PLCB1: variants seen among roughly 807,000 people sequenced by gnomAD.
PLCB1 encodes the protein 1-phosphatidylinositol 4,5-bisphosphate phosphodiesterase beta-1.
A neutral mutation model predicts 161.8 loss-of-function variants in PLCB1; 46 were observed. The observed-to-expected ratio is 0.28, with a 90% CI of 0.22 to 0.36. PLCB1 has a LOEUF of 0.36. Among genes scored for constraint, PLCB1 ranks in the 10% least tolerant of loss-of-function variants. The pLI is 1.00. For synonymous variants in PLCB1, 517 were observed against 503.7 expected (o/e 1.03, Z -0.35); for missense variants, 1,016 against 1,472.5 (o/e 0.69, Z 5.07).
At chr20:8,450,695 G>T (rs981976170) in intron 3 of PLCB1, among the ~76,000 whole-genome samples, 1 of 152,146 alleles carries the variant, frequency 6.6e-6, no homozygotes, top group Non-Finnish European at 1.5e-5. Context: ...ACTTAGCGAG[G>T]CATCTATCGG....
At chr20:8,149,019 T>C (rs2123030004) in intron 1 of PLCB1, among the ~76,000 whole-genome samples, 1 of 152,308 alleles carries the variant, frequency 6.6e-6, no homozygotes, top group South Asian at 2.1e-4. Flanking sequence ...CACAGCAAGG[T>C]GAATGCATGT....
intron 3 of PLCB1, among the ~76,000 whole-genome samples, chr20:8,554,584 A>G (rs1985886485): frequency 1.3e-5 from 2 of 152,128 alleles, no homozygotes; most frequent in African/African-American, 2.4e-5. Flanking sequence ...AGAAACCAGA[A>G]TAGTAGCTGA....
intron 2 of PLCB1, among the ~76,000 whole-genome samples, chr20:8,300,819 G>A (rs1983875695): frequency 6.6e-6 from 1 of 152,110 alleles, no homozygotes; most frequent in Non-Finnish European, 1.5e-5. Flanking sequence ...AGACAGGAAT[G>A]GATTGGCAGT....
At chr20:8,399,972 A>G (rs1978476657) in intron 3 of PLCB1, among the ~76,000 whole-genome samples, 2 of 152,166 alleles carry the variant, frequency 1.3e-5, no homozygotes, top group Non-Finnish European at 2.9e-5. Context: ...ACTCCTGTGC[A>G]TTATTCATGT....
chr20:8,633,972 T>C (rs1160161939), intron 4 of PLCB1, among the ~76,000 whole-genome samples: 1 of 152,240 alleles, frequency 6.6e-6, no homozygotes, highest in Non-Finnish European at 1.5e-5. Context: ...AGTTTGTCCA[T>C]TCTCTTTGCT....
At chr20:8,163,735 C>T (rs972124875) in intron 2 of PLCB1, among the ~76,000 whole-genome samples, 4 of 152,206 alleles carry the variant, frequency 2.6e-5, no homozygotes, top group African/African-American at 9.6e-5. Context: ...CAGCAGCTGC[C>T]TGCTTTAGAC....
chr20:8,241,003 C>T (rs879520934), intron 2 of PLCB1, among the ~76,000 whole-genome samples: 2 of 151,810 alleles, frequency 1.3e-5, no homozygotes, highest in Non-Finnish European at 2.9e-5. Flanking sequence ...ATGGTGAACA[C>T]GAGATTCTTT....
At chr20:8,880,274 G>A (rs1203899723) in intron 31 of PLCB1, among the ~76,000 whole-genome samples, 12 of 152,190 alleles carry the variant, frequency 7.9e-5, no homozygotes, top group Admixed American at 6.5e-4. Flanking sequence ...CTTGGACTCA[G>A]CACAGCACAG....
intron 2 of PLCB1, among the ~76,000 whole-genome samples, chr20:8,344,817 A>G (rs1048910528): frequency 6.6e-6 from 1 of 152,208 alleles, no homozygotes; most frequent in Non-Finnish European, 1.5e-5. Flanking sequence ...AGGAAAGTGC[A>G]TGAGGGAGCA....
chr20:8,715,585 C>T lies in PLCB1; in HGVS notation c.1251-679C>T, dbSNP rs538280094. On this transcript the variant is annotated intron_variant, in intron 12 of 31. Coordinates refer to ENST00000338037, the MANE Select transcript of PLCB1 (RefSeq NM_015192.4). ...TTCCATTATACCAGGTCCCTACTGG[C>T]AATATATTCAGAATGATACCACCTT... Among the ~76,000 whole-genome samples the T allele has an allele frequency of 5.9e-5, 9 of 152,312 alleles. No homozygotes were observed. In the East Asian group the frequency reaches 9.6e-4, roughly 16 times the overall value.
intron 4 of PLCB1, among the ~76,000 whole-genome samples, chr20:8,645,539 C>T (rs1989145679): frequency 6.6e-6 from 1 of 151,988 alleles, no homozygotes; most frequent in Non-Finnish European, 1.5e-5. Context: ...TCATTGCTTT[C>T]TGGTATGAGG....
At chr20:8,589,502 T>G (rs1600173690) in intron 3 of PLCB1, among the ~76,000 whole-genome samples, 1 of 151,984 alleles carries the variant, frequency 6.6e-6, no homozygotes, top group East Asian at 1.9e-4. Context: ...CCAGCAGATT[T>G]GGGGTCTGAT....
intron 2 of PLCB1, among the ~76,000 whole-genome samples, chr20:8,189,483 T>C (rs76143829): frequency 0.056 from 8,484 of 151,942 alleles, 716 homozygotes; most frequent in African/African-American, 0.18. Flanking sequence ...GACATTTCCA[T>C]ATGAAATTTA....
At chr20:8,320,780 T>C (rs1438135637) in intron 2 of PLCB1, among the ~76,000 whole-genome samples, 1 of 128,188 alleles carries the variant, frequency 7.8e-6, no homozygotes, top group African/African-American at 3.1e-5. Flanking sequence ...ATACTTGTAA[T>C]ATTAGGACAG....
At chr20:8,841,027 G>A (rs542887220) in intron 31 of PLCB1, among the ~76,000 whole-genome samples, 36 of 152,190 alleles carry the variant, frequency 2.4e-4, no homozygotes, top group African/African-American at 8.4e-4. Flanking sequence ...TAGTAGAGAT[G>A]GTGTTTTACC....
intron 2 of PLCB1, among the ~76,000 whole-genome samples, chr20:8,194,386 T>C: frequency 6.6e-6 from 1 of 151,916 alleles, no homozygotes; most frequent in African/African-American, 2.4e-5. Context: ...GTGGAAAAAC[T>C]CCCGTAAGTG....
At chr20:8,354,381 A>T (rs1158817982) in intron 2 of PLCB1, among the ~76,000 whole-genome samples, 1 of 152,142 alleles carries the variant, frequency 6.6e-6, no homozygotes, top group Admixed American at 6.5e-5. Context: ...AGGAAGGAAA[A>T]CTGCGTAAGA....
At chr20:8,744,625 T>TAAAATAAAATA (rs1373955611) in intron 23 of PLCB1, among the ~76,000 whole-genome samples, 3 of 82,466 alleles carry the variant, frequency 3.6e-5, no homozygotes, top group Non-Finnish European at 6.4e-5. Context: ...ATAAATAAAA[T>TAAAATAAAATA]AAAATAAAAT....
At chr20:8,194,543 G>A (rs2052003034) in intron 2 of PLCB1, among the ~76,000 whole-genome samples, 1 of 151,902 alleles carries the variant, frequency 6.6e-6, no homozygotes, top group Admixed American at 6.6e-5. Flanking sequence ...ATTGATTTTA[G>A]GAAAAGTACA....
Sources: gnomAD v4.1 joint callset for allele counts (sites outside exome capture counted in the v4.1 genomes callset) on GRCh38, gnomAD v4.1.1 for gene constraint, MANE v1.5 for transcripts, NCBI Gene and HGNC (gene_info 2026-07-23, HGNC 2026-07-21) for gene names.